SGIP1: variants seen among roughly 807,000 people sequenced by gnomAD.
SGIP1 encodes SH3-containing GRB2-like protein 3-interacting protein 1.
SGIP1 carries 38 observed loss-of-function variants against 107.5 expected under a neutral mutation model. The ratio of observed to expected loss-of-function variants is 0.35; its 90% CI spans 0.27 to 0.46. The LOEUF is 0.46. Ranked by LOEUF, SGIP1 falls within the 20% of genes least tolerant of loss-of-function variation. The pLI, the probability that SGIP1 is intolerant of heterozygous loss-of-function variation, is 1.00. For synonymous variants in SGIP1, 365 were observed against 366.1 expected, an observed-to-expected ratio of 1.00 and a Z score of 0.03; for missense variants, 929 against 1,019.5, an observed-to-expected ratio of 0.91 and a Z score of 1.21.
chr1:66,732,416 T>C (rs1162196738), intron 20 of SGIP1, among the ~76,000 whole-genome samples: 3 of 152,176 alleles, frequency 2.0e-5, no homozygotes, highest in African/African-American at 7.2e-5. Flanking sequence ...CTTACCAGCA[T>C]CCCTAGCTCA....
At chr1:66,603,263 G>A (rs1207301651) in intron 1 of SGIP1, among the ~76,000 whole-genome samples, 1 of 152,086 alleles carries the variant, frequency 6.6e-6, no homozygotes, top group African/African-American at 2.4e-5. Flanking sequence ...TGCTTATCAA[G>A]TAGAGATTTT....
intron 14 of SGIP1, among the ~76,000 whole-genome samples, chr1:66,680,554 C>A (rs1027005347): frequency 2.0e-5 from 3 of 152,076 alleles, no homozygotes; most frequent in Non-Finnish European, 4.4e-5. Flanking sequence ...AGCAAAAGCA[C>A]GATGTAGTTA....
Position 66,540,179 on chromosome 1 carries a change from A to G in SGIP1, c.10+5811A>G, listed in dbSNP as rs139837805. 1.4e-3 allele frequency among the ~76,000 whole-genome samples: 213 copies of G among 152,328 alleles called. 1 individual carries two copies. In the East Asian group the frequency reaches 0.019, roughly 14 times the overall value. ...AAACATGAAACAATTAGGAAATAAGACAATATTCTGCAGTGATAAATTGTG... is the reference window on the plus strand; with the variant it reads ...AAACATGAAACAATTAGGAAATAAGGCAATATTCTGCAGTGATAAATTGTG... On this transcript the variant is annotated intron_variant, in intron 1 of 24. Coordinates refer to ENST00000371037, the MANE Select transcript of SGIP1 (RefSeq NM_032291.4).
At chr1:66,695,335 C>A (rs1380692312) in intron 17 of SGIP1, 99 bp from the exon 18 acceptor site, 10 of 1,603,006 alleles carry the variant, frequency 6.2e-6, no homozygotes, top group Non-Finnish European at 8.5e-6. Flanking sequence ...CCACCCTTCC[C>A]TATAGTGAGA....
At chr1:66,542,439 G>A (rs1417822007) in intron 1 of SGIP1, among the ~76,000 whole-genome samples, 2 of 152,146 alleles carry the variant, frequency 1.3e-5, no homozygotes, top group Admixed American at 1.3e-4. Flanking sequence ...ATGAAGTGGA[G>A]TGAATGACGT....
Position 66,682,385 on chromosome 1 carries a change from G to C in SGIP1, c.1315+16G>C. The stretch of plus-strand genomic sequence containing the variant: ...ACCACCAGTGGTATGTCTTATGCTT[G>C]AGTGTGCTTCTTGTGACGGGGAATG... On this transcript the variant is annotated intron_variant, in intron 15 of 24. Transcript: ENST00000371037. The C allele has an allele frequency of 6.3e-7, 1 of 1,589,214 alleles. No homozygotes were observed. Among genetic ancestry groups the C allele is most frequent in the Non-Finnish European group, 8.5e-7 (1 of 1,172,110 alleles).
At chr1:66,673,979 A>G (rs867764469) in intron 12 of SGIP1, among the ~76,000 whole-genome samples, 5 of 133,924 alleles carry the variant, frequency 3.7e-5, no homozygotes, top group Non-Finnish European at 4.8e-5. Context: ...AGCCTGGACA[A>G]CATACGGAGA....
At chr1:66,637,125 C>T (rs1374446919) in intron 4 of SGIP1, among the ~76,000 whole-genome samples, 3 of 152,064 alleles carry the variant, frequency 2.0e-5, no homozygotes, top group Admixed American at 2.0e-4. Context: ...TGGTGCCTAA[C>T]TGATATTTCC....
chr1:66,618,382 C>T (rs2070000530), intron 1 of SGIP1, among the ~76,000 whole-genome samples: 1 of 152,120 alleles, frequency 6.6e-6, no homozygotes, highest in Non-Finnish European at 1.5e-5. Flanking sequence ...AGATTGCAAA[C>T]ATCAGCAAAA....
At chr1:66,726,020 A>G (rs1169419540) in intron 19 of SGIP1, among the ~76,000 whole-genome samples, 2 of 152,206 alleles carry the variant, frequency 1.3e-5, no homozygotes, top group Admixed American at 6.5e-5. Context: ...GAGTCAGATG[A>G]CAGGAAAGCT....
At chr1:66,570,002 G>A (rs1324236550) in intron 1 of SGIP1, among the ~76,000 whole-genome samples, 4 of 151,588 alleles carry the variant, frequency 2.6e-5, no homozygotes, top group South Asian at 4.2e-4. Flanking sequence ...ATCAACTTGT[G>A]GGCATAGAGA....
chr1:66,716,010 T>C (rs1177393177), intron 18 of SGIP1, among the ~76,000 whole-genome samples: 1 of 152,152 alleles, frequency 6.6e-6, no homozygotes, highest in African/African-American at 2.4e-5. Flanking sequence ...CCTCATTTTA[T>C]CCTCAGAACA....
chr1:66,700,932 C>A (rs1461641720), intron 18 of SGIP1, among the ~76,000 whole-genome samples: 1 of 152,020 alleles, frequency 6.6e-6, no homozygotes, highest in East Asian at 1.9e-4. Flanking sequence ...AGGAAAAATA[C>A]GTTTCTGAAA....
chr1:66,554,449 C>T (rs2057888284), intron 1 of SGIP1, among the ~76,000 whole-genome samples: 1 of 152,064 alleles, frequency 6.6e-6, no homozygotes, highest in African/African-American at 2.4e-5. Flanking sequence ...TGATGAGCAT[C>T]CCTAATCCTA....
intron 1 of SGIP1, among the ~76,000 whole-genome samples, chr1:66,582,640 T>C (rs1437365030): frequency 6.6e-6 from 1 of 151,916 alleles, no homozygotes; most frequent in African/African-American, 2.4e-5. Flanking sequence ...GAAATAAACA[T>C]CATAATTATA....
chr1:66,699,407 A>T (rs373339786), intron 18 of SGIP1, among the ~76,000 whole-genome samples: 1 of 152,090 alleles, frequency 6.6e-6, no homozygotes, highest in African/African-American at 2.4e-5. Context: ...CTTGCGTGTC[A>T]TCCTCTGTGC....
At chr1:66,663,421 G>A (rs766988153) in intron 8 of SGIP1, among the ~76,000 whole-genome samples, 4 of 152,114 alleles carry the variant, frequency 2.6e-5, no homozygotes, top group Admixed American at 6.5e-5. Flanking sequence ...AAAGGGTAAA[G>A]TAAAATTGTG....
intron 17 of SGIP1, among the ~76,000 whole-genome samples, chr1:66,691,968 G>GGCCA (rs1304694502): frequency 6.6e-5 from 10 of 152,062 alleles, no homozygotes; most frequent in Admixed American, 6.5e-4. Flanking sequence ...AGACCAGCCT[G>GGCCA]GCCAACATAG....
chr1:66,562,943 A>G (rs907479978), intron 1 of SGIP1, among the ~76,000 whole-genome samples: 3 of 152,028 alleles, frequency 2.0e-5, no homozygotes, highest in African/African-American at 7.2e-5. Flanking sequence ...CCTTGCTGTA[A>G]TGTAATCCTT....
Sources: allele counts gnomAD v4.1 joint callset (sites outside exome capture counted in the v4.1 genomes callset), GRCh38; gene constraint gnomAD v4.1.1; transcripts MANE v1.5; gene names NCBI Gene and HGNC (gene_info 2026-07-23, HGNC 2026-07-21).